KCNIP3: variants seen among roughly 807,000 people sequenced by gnomAD.
KCNIP3 encodes the protein calsenilin.
A neutral mutation model predicts 35.0 loss-of-function variants in KCNIP3; 28 were observed. That is an observed-to-expected ratio of 0.80 (90% confidence interval 0.59 to 1.10). The LOEUF is 1.10. Among genes scored for constraint, KCNIP3 ranks in the 50% least tolerant of loss-of-function variants. The pLI, the probability that KCNIP3 is intolerant of heterozygous loss-of-function variation, is 0.00. For missense variants in KCNIP3, 295 were observed against 338.4 expected, an observed-to-expected ratio of 0.87 and a Z score of 1.01; for synonymous variants, 134 against 133.8, an observed-to-expected ratio of 1.00 and a Z score of -0.01.
intron 2 of KCNIP3, among the ~76,000 whole-genome samples, chr2:95,326,102 T>C (rs199590120): frequency 1.1e-4 from 15 of 136,876 alleles, no homozygotes; most frequent in Middle Eastern, 3.8e-3. Flanking sequence ...CATACACACA[T>C]ATACACATAC....
intron 2 of KCNIP3, among the ~76,000 whole-genome samples, chr2:95,363,790 T>G (rs1304159955): frequency 6.6e-6 from 1 of 152,220 alleles, no homozygotes; most frequent in Non-Finnish European, 1.5e-5. Flanking sequence ...CTCTTTAGTT[T>G]TATTGCTATT....
intron 2 of KCNIP3, among the ~76,000 whole-genome samples, chr2:95,357,713 G>C (rs1397001747): frequency 6.6e-6 from 1 of 152,190 alleles, no homozygotes; most frequent in Non-Finnish European, 1.5e-5. Context: ...AATTAAATTA[G>C]TATTGAAATG....
chr2:95,341,545 C>T (rs574579645), intron 2 of KCNIP3, among the ~76,000 whole-genome samples: 1 of 152,142 alleles, frequency 6.6e-6, no homozygotes, highest in Admixed American at 6.6e-5. Flanking sequence ...GAAACAAAGT[C>T]CCTCTTGCGT....
At chr2:95,342,993 T>C (rs1363547323) in intron 2 of KCNIP3, among the ~76,000 whole-genome samples, 1 of 151,962 alleles carries the variant, frequency 6.6e-6, no homozygotes, top group African/African-American at 2.4e-5. Context: ...ATTTTTGTCT[T>C]GAGATGATCA....
chr2:95,382,308 G>T lies in KCNIP3; in HGVS notation c.556-69G>T. On this transcript the variant is annotated intron_variant, in intron 6 of 8. Transcript: ENST00000295225. This position sits in a 1 kb window ranked among gnomAD's most constrained non-coding sequence, Gnocchi z 4.5. ...GAGGTGCCCTGCACCCTTGGATGCC[G>T]CCCGCTCCCTTTGGGCCCTCACAGC... The T allele has an allele frequency of 9.7e-7, 1 of 1,030,514 alleles. No individual in the cohort carries two copies. The highest frequency in any genetic ancestry group is 1.6e-5 in the African/African-American group (1 of 61,576). 63.8% of individuals were successfully genotyped at this position (1,030,514 alleles called of 1,614,324 possible). A position where few individuals can be genotyped will look rare whatever the true frequency, so the allele number is the denominator to read the frequency against.
In KCNIP3 at chr2:95,314,465, C is replaced by A. The variant is rs1678402807; in HGVS notation, c.181+3945C>A. Among the ~76,000 whole-genome samples the A allele has an allele frequency of 3.3e-5, 5 of 152,176 alleles. No individual in the cohort carries two copies. In the South Asian group the frequency reaches 1.0e-3, roughly 32 times the overall value. On this transcript the variant is annotated intron_variant, in intron 2 of 8. Coordinates refer to ENST00000295225, the MANE Select transcript of KCNIP3 (RefSeq NM_013434.5). ...TGAGTCCTTGGTGGAGTGATCCAAA[C>A]CCCCATTCCTGAGGGATCTGAGTCC...
intron 2 of KCNIP3, among the ~76,000 whole-genome samples, chr2:95,323,027 C>T (rs796826361): frequency 1.1e-4 from 16 of 152,372 alleles, no homozygotes; most frequent in African/African-American, 2.4e-4. Flanking sequence ...TCCTGGCCCC[C>T]GCTCTGGCCT....
chr2:95,297,766 A>G (rs920065814), intron 1 of KCNIP3, among the ~76,000 whole-genome samples: 16 of 152,190 alleles, frequency 1.1e-4, no homozygotes, highest in Admixed American at 7.8e-4. Flanking sequence ...AGCTGGACAG[A>G]GGAGGAGCTT....
intron 2 of KCNIP3, among the ~76,000 whole-genome samples, chr2:95,315,693 T>C (rs1198855414): frequency 6.6e-6 from 1 of 152,072 alleles, no homozygotes; most frequent in African/African-American, 2.4e-5. Context: ...TCACCTAGAG[T>C]TGGGGCCAAC....
At chr2:95,349,474 A>G (rs946583422) in intron 2 of KCNIP3, among the ~76,000 whole-genome samples, 7 of 152,138 alleles carry the variant, frequency 4.6e-5, no homozygotes, top group Admixed American at 4.6e-4. Context: ...AGCAGTCAAA[A>G]AGCCTTCCTC....
chr2:95,382,666 C>T lies in KCNIP3; in HGVS notation c.660+185C>T, dbSNP rs974503113. Among the ~76,000 whole-genome samples, 3 of 152,238 alleles carry T rather than the reference C, an allele frequency of 2.0e-5. No individual in the cohort carries two copies. Among genetic ancestry groups the T allele is most frequent in the African/African-American group, 7.2e-5 (3 of 41,466 alleles). ...CTGAGAAGTGAACTACACCACTGCTCTGCCCTGTGGACCTCATCTGGGGGC... is the reference window on the plus strand; with the variant it reads ...CTGAGAAGTGAACTACACCACTGCTTTGCCCTGTGGACCTCATCTGGGGGC... On this transcript the variant is annotated intron_variant, in intron 7 of 8. Coordinates refer to ENST00000295225, the MANE Select transcript of KCNIP3 (RefSeq NM_013434.5). The surrounding 1 kb of genome is among the most constrained non-coding windows in gnomAD (Gnocchi z 4.5).
At chr2:95,342,369 C>T (rs1358593607) in intron 2 of KCNIP3, among the ~76,000 whole-genome samples, 2 of 152,206 alleles carry the variant, frequency 1.3e-5, no homozygotes, top group African/African-American at 4.8e-5. Flanking sequence ...AGAGATAAGT[C>T]ATGTTGAAAC....
chr2:95,305,384 G>T (rs1000194621), intron 1 of KCNIP3, among the ~76,000 whole-genome samples: 1 of 152,112 alleles, frequency 6.6e-6, no homozygotes, highest in Non-Finnish European at 1.5e-5. Context: ...CACAAAGAGG[G>T]CCCATGTACA....
At chr2:95,371,921 C>T (rs1320167974) in intron 2 of KCNIP3, among the ~76,000 whole-genome samples, 2 of 151,590 alleles carry the variant, frequency 1.3e-5, no homozygotes, top group Non-Finnish European at 2.9e-5. Context: ...TCTCCTGCCT[C>T]AGCCTCCTGA....
chr2:95,380,014 T>C (rs1191680844), intron 5 of KCNIP3, among the ~76,000 whole-genome samples: 1 of 152,184 alleles, frequency 6.6e-6, no homozygotes, highest in Non-Finnish European at 1.5e-5. Flanking sequence ...TTCCTCTGTT[T>C]TCTCCCGTTC....
intron 1 of KCNIP3, chr2:95,298,882 T>C (rs571599557): frequency 6.6e-6 from 1 of 152,354 alleles, no homozygotes; most frequent in East Asian, 1.9e-4. Context: ...ACCGTGCCCA[T>C]AGGCAGAGAC....
intron 2 of KCNIP3, among the ~76,000 whole-genome samples, chr2:95,351,662 A>G (rs921312199): frequency 2.6e-5 from 4 of 152,176 alleles, no homozygotes; most frequent in Non-Finnish European, 5.9e-5. Context: ...ACCAAAACAA[A>G]TTTACTGTCG....
intron 2 of KCNIP3, among the ~76,000 whole-genome samples, chr2:95,314,523 GCC>G (rs1443584505): frequency 6.6e-6 from 1 of 152,168 alleles, no homozygotes; most frequent in Non-Finnish European, 1.5e-5. Flanking sequence ...GTTGCTAGAA[GCC>G]CCCACTGACT....
At position 95,385,748 on chromosome 2, in the gene KCNIP3, C is replaced by T. The variant is rs1680488423; in HGVS notation, c.*1699C>T. On this transcript the variant is annotated 3_prime_UTR_variant, in exon 9 of 9. Coordinates refer to ENST00000295225, the MANE Select transcript of KCNIP3 (RefSeq NM_013434.5). ...CTCCAGGCTGACTGGGGGCCTCTGC[C>T]TCCAGGAGGGCATCAGCTTTCCCTG... The T allele has an allele frequency of 6.5e-6, 1 of 152,766 alleles. No homozygotes were observed. The highest frequency in any genetic ancestry group is 2.4e-5 in the African/African-American group (1 of 41,474). 9.5% of individuals were successfully genotyped at this position (152,766 alleles called of 1,614,324 possible). A position where few individuals can be genotyped will look rare whatever the true frequency, so the allele number is the denominator to read the frequency against.
Sources: allele counts gnomAD v4.1 joint callset (sites outside exome capture counted in the v4.1 genomes callset), GRCh38; gene constraint gnomAD v4.1.1; non-coding constraint Gnocchi (gnomAD v3.1); transcripts MANE v1.5; gene names NCBI Gene and HGNC (gene_info 2026-07-23, HGNC 2026-07-21).